Variants in PID1 observed in about 807,000 individuals in gnomAD.
PID1 encodes PTB-containing, cubilin and LRP1-interacting protein.
PID1 carries 10 observed loss-of-function variants against 19.1 expected under a neutral mutation model. The ratio of observed to expected loss-of-function variants is 0.52; its 90% CI spans 0.32 to 0.89. The LOEUF is 0.89. Among genes scored for constraint, PID1 ranks in the 40% least tolerant of loss-of-function variants. The probability of loss-of-function intolerance (pLI) is 0.03; values close to 1 mark genes in which losing one functional copy is unlikely to be tolerated. For synonymous variants in PID1, 130 were observed against 116.0 expected (o/e 1.12, Z -0.78); for missense variants, 248 against 285.3 (o/e 0.87, Z 0.94).
At chr2:229,218,936 A>G (rs55902016) in intron 1 of PID1, among the ~76,000 whole-genome samples, 23,863 of 152,066 alleles carry the variant, frequency 0.16, 2,168 homozygotes, top group Admixed American at 0.25. Flanking sequence ...ACCCTCTTAA[A>G]GTCTTTCATC....
At chr2:229,232,002 G>A (rs1692219878) in intron 1 of PID1, 4 of 1,550,440 alleles carry the variant, frequency 2.6e-6, no homozygotes, top group Middle Eastern at 3.3e-4. Flanking sequence ...GCACTTGGAA[G>A]GAAGGAATGC....
chr2:229,107,088 G>A, intron 2 of PID1, among the ~76,000 whole-genome samples: 1 of 152,238 alleles, frequency 6.6e-6, no homozygotes, highest in East Asian at 1.9e-4. Flanking sequence ...TGGAGGTAGA[G>A]ATTAGAGTCA....
chr2:229,056,900 C>T (rs1694113960), intron 2 of PID1, among the ~76,000 whole-genome samples: 1 of 152,008 alleles, frequency 6.6e-6, no homozygotes, highest in African/African-American at 2.4e-5. Context: ...TCACCTGGTC[C>T]TTATGTAGCT....
At chr2:229,101,350 A>G (rs560189199) in intron 2 of PID1, among the ~76,000 whole-genome samples, 1 of 152,272 alleles carries the variant, frequency 6.6e-6, no homozygotes, top group South Asian at 2.1e-4. Context: ...CCCAGCATGC[A>G]TTAGCTCTTG....
chr2:229,265,492 CT>C (rs1179505741), intron 1 of PID1, among the ~76,000 whole-genome samples: 2 of 151,574 alleles, frequency 1.3e-5, no homozygotes, highest in Non-Finnish European at 2.9e-5. Flanking sequence ...GGGATCACAA[CT>C]TTTTTTTTAA....
intron 2 of PID1, among the ~76,000 whole-genome samples, chr2:229,054,182 G>A (rs10490033): frequency 0.22 from 33,633 of 152,090 alleles, 6,606 homozygotes; most frequent in African/African-American, 0.52. Context: ...TTAAGTGATG[G>A]TTTGCTCAGT....
At chr2:229,046,879 G>A (rs972858507) in intron 2 of PID1, among the ~76,000 whole-genome samples, 2 of 152,184 alleles carry the variant, frequency 1.3e-5, no homozygotes, top group African/African-American at 4.8e-5. Context: ...GTTCTTGACT[G>A]CACATGAACC....
chr2:229,199,751 T>TAAAC (rs1553576053), intron 1 of PID1, among the ~76,000 whole-genome samples: 10 of 140,214 alleles, frequency 7.1e-5, no homozygotes, highest in Non-Finnish European at 1.5e-4. Context: ...TATATACACA[T>TAAAC]ACACACACAC....
chr2:229,152,070 G>C (rs1428015668), intron 2 of PID1, among the ~76,000 whole-genome samples: 2 of 152,116 alleles, frequency 1.3e-5, no homozygotes, highest in African/African-American at 4.8e-5. Context: ...GACTGCCATA[G>C]CAAATCCACC....
chr2:229,098,958 T>C (rs1282760503), intron 2 of PID1, among the ~76,000 whole-genome samples: 10 of 152,188 alleles, frequency 6.6e-5, no homozygotes. Flanking sequence ...TCTCTAATAC[T>C]AAAGAGACGG....
At chr2:229,093,541 G>T (rs908108498) in intron 2 of PID1, among the ~76,000 whole-genome samples, 4 of 152,188 alleles carry the variant, frequency 2.6e-5, no homozygotes, top group Non-Finnish European at 4.4e-5. Flanking sequence ...CATCTACAGA[G>T]TTCAGCTGGG....
chr2:229,247,123 T>C (rs1690024805), intron 1 of PID1, among the ~76,000 whole-genome samples: 1 of 152,096 alleles, frequency 6.6e-6, no homozygotes. Flanking sequence ...GGAGCAAAAA[T>C]TTAACAATGA....
chr2:229,192,098 AAAAG>A (rs1251706863), intron 1 of PID1, among the ~76,000 whole-genome samples: 13 of 152,214 alleles, frequency 8.5e-5, no homozygotes, highest in Non-Finnish European at 1.8e-4. Context: ...GGGGGTATAA[AAAAG>A]AAAGCCAAAC....
At chr2:229,245,537 C>T (rs1689979604) in intron 1 of PID1, among the ~76,000 whole-genome samples, 3 of 152,130 alleles carry the variant, frequency 2.0e-5, no homozygotes, top group African/African-American at 4.8e-5. Flanking sequence ...AAATTCTTAA[C>T]ACTTACTATT....
intron 2 of PID1, among the ~76,000 whole-genome samples, chr2:229,029,668 C>T (rs71415706): frequency 0.026 from 3,998 of 151,794 alleles, 75 homozygotes; most frequent in Non-Finnish European, 0.043. Flanking sequence ...GATGAAACTC[C>T]GTCTCTACTA....
rs566023087 is a variant in PID1, at chr2:229,051,372, C to G, written c.178-25264G>C. ...TAATTTTTTGAGACAGGGTCTTACTCTGTTGCCCCGGCTGTAGTGCAGTGA... is the reference window on the plus strand; with the variant it reads ...TAATTTTTTGAGACAGGGTCTTACTGTGTTGCCCCGGCTGTAGTGCAGTGA... On this transcript the variant is annotated intron_variant, in intron 2 of 2. Coordinates refer to ENST00000392055, the MANE Select transcript of PID1 (RefSeq NM_001100818.2). Among the ~76,000 whole-genome samples, 12 of 152,266 alleles carry G rather than the reference C, an allele frequency of 7.9e-5. No homozygotes were observed. In the East Asian group the frequency reaches 1.2e-3, roughly 15 times the overall value.
chr2:229,180,589 G>A (rs147940146), intron 1 of PID1, among the ~76,000 whole-genome samples: 241 of 152,276 alleles, frequency 1.6e-3, no homozygotes, highest in Non-Finnish European at 2.7e-3. Context: ...AATCTCTGGG[G>A]ATGAGGCCAG....
intron 1 of PID1, among the ~76,000 whole-genome samples, chr2:229,195,390 T>C (rs189059687): frequency 6.6e-6 from 1 of 151,768 alleles, no homozygotes; most frequent in East Asian, 1.9e-4. Context: ...CACATGTATA[T>C]ACATATACAT....
intron 1 of PID1, among the ~76,000 whole-genome samples, chr2:229,200,286 T>G (rs1691470817): frequency 6.6e-6 from 1 of 152,042 alleles, no homozygotes; most frequent in African/African-American, 2.4e-5. Context: ...GCCTCTCTAT[T>G]CTTCAGAGGA....
Sources: allele counts gnomAD v4.1 joint callset (sites outside exome capture counted in the v4.1 genomes callset), GRCh38; gene constraint gnomAD v4.1.1; transcripts MANE v1.5; gene names NCBI Gene and HGNC (gene_info 2026-07-23, HGNC 2026-07-21).